Variants in CFAP95 observed in about 807,000 individuals in gnomAD.
CFAP95 encodes the protein cilia- and flagella-associated protein 95.
the CFAP95 span, among the ~76,000 whole-genome samples, chr9:69,841,352 CG>C: frequency 1.3e-5 from 2 of 151,478 alleles, no homozygotes; most frequent in East Asian, 1.9e-4. Context: ...GGATGTACTC[CG>C]GTTTTATTGC....
the CFAP95 span, among the ~76,000 whole-genome samples, chr9:69,837,214 A>C: frequency 6.6e-6 from 1 of 152,230 alleles, no homozygotes; most frequent in Non-Finnish European, 1.5e-5. Context: ...TCTTTACAGC[A>C]GCATGATTTA....
the CFAP95 span, among the ~76,000 whole-genome samples, chr9:69,828,784 G>A: frequency 2.0e-5 from 3 of 152,172 alleles, no homozygotes; most frequent in African/African-American, 7.2e-5. Flanking sequence ...ATTACTGGAT[G>A]GTGCATTTAT....
chr9:69,901,701 C>T, the CFAP95 span, among the ~76,000 whole-genome samples: 5 of 152,114 alleles, frequency 3.3e-5, no homozygotes, highest in Non-Finnish European at 7.3e-5. Context: ...TGGGTATATG[C>T]CCAGTAATGA....
chr9:69,882,893 A>G, the CFAP95 span, among the ~76,000 whole-genome samples: 2 of 152,136 alleles, frequency 1.3e-5, no homozygotes, highest in African/African-American at 4.8e-5. Context: ...CATTAGAGAT[A>G]CTGGCCTGTA....
the CFAP95 span, among the ~76,000 whole-genome samples, chr9:69,877,763 C>T: frequency 6.6e-6 from 1 of 152,244 alleles, no homozygotes; most frequent in East Asian, 1.9e-4. Flanking sequence ...TCCAATTATG[C>T]TATTTGCTAA....
At chr9:69,855,235 T>C in the CFAP95 span, among the ~76,000 whole-genome samples, 3 of 152,240 alleles carry the variant, frequency 2.0e-5, no homozygotes, top group South Asian at 6.2e-4. Context: ...TTTACTCCTC[T>C]ATTTTATGTT....
chr9:69,886,664 C>A, the CFAP95 span, among the ~76,000 whole-genome samples: 1 of 152,112 alleles, frequency 6.6e-6, no homozygotes, highest in African/African-American at 2.4e-5. Flanking sequence ...GGGTACCCTG[C>A]TGCTGGTGGG....
chr9:69,838,339 C>T, the CFAP95 span, among the ~76,000 whole-genome samples: 27,641 of 151,318 alleles, frequency 0.18, 2,668 homozygotes, highest in East Asian at 0.31. Context: ...GCCATTTTCA[C>T]GATATTGATT....
the CFAP95 span, among the ~76,000 whole-genome samples, chr9:69,825,912 A>G: frequency 6.6e-6 from 1 of 152,192 alleles, no homozygotes; most frequent in African/African-American, 2.4e-5. Context: ...TTTAGTTTTA[A>G]GGACTCAGGT....
chr9:69,883,437 T>C, the CFAP95 span, among the ~76,000 whole-genome samples: 39 of 152,168 alleles, frequency 2.6e-4, no homozygotes, highest in African/African-American at 9.4e-4. Flanking sequence ...TGGTTGGAGA[T>C]GTCATTTGTG....
At chr9:69,862,535 T>C in the CFAP95 span, among the ~76,000 whole-genome samples, 1 of 152,336 alleles carries the variant, frequency 6.6e-6, no homozygotes, top group Non-Finnish European at 1.5e-5. Context: ...TCTTGCCAAC[T>C]CTACAGCTCT....
the CFAP95 span, among the ~76,000 whole-genome samples, chr9:69,880,858 G>A: frequency 2.1e-4 from 32 of 152,060 alleles, no homozygotes; most frequent in Middle Eastern, 3.2e-3. Flanking sequence ...CATTTTAACC[G>A]GCATGAGATG....
At chr9:69,901,403 C>T in the CFAP95 span, among the ~76,000 whole-genome samples, 1 of 152,134 alleles carries the variant, frequency 6.6e-6, no homozygotes, top group Non-Finnish European at 1.5e-5. Flanking sequence ...TCCCAAAGTG[C>T]TGGGATTACA....
chr9:69,844,379 TTA>T, the CFAP95 span: 1 of 522,342 alleles, frequency 1.9e-6, no homozygotes, highest in South Asian at 3.8e-5. Context: ...GGAAAATACT[TTA>T]TATGTCACAA....
the CFAP95 span, among the ~76,000 whole-genome samples, chr9:69,883,821 T>A: frequency 7.8e-4 from 29 of 37,304 alleles, no homozygotes; most frequent in Admixed American, 1.1e-3. Flanking sequence ...GTTTATTTTT[T>A]TAAAAAAAAA....
the CFAP95 span, among the ~76,000 whole-genome samples, chr9:69,883,092 G>A: frequency 2.6e-5 from 4 of 152,130 alleles, no homozygotes; most frequent in Admixed American, 2.6e-4. Context: ...TCTTTACTGG[G>A]AGATTTTTTA....
chr9:69,840,852 G>T, the CFAP95 span, among the ~76,000 whole-genome samples: 4 of 152,074 alleles, frequency 2.6e-5, no homozygotes, highest in African/African-American at 9.7e-5. Context: ...TGGGCAGCCG[G>T]CAGGCACGAG....
At chr9:69,835,022 T>C in the CFAP95 span, among the ~76,000 whole-genome samples, 2 of 152,216 alleles carry the variant, frequency 1.3e-5, no homozygotes, top group Admixed American at 6.5e-5. Context: ...TGTCTCATAG[T>C]CTTTGATTCT....
the CFAP95 span, among the ~76,000 whole-genome samples, chr9:69,891,430 A>G: frequency 6.6e-6 from 1 of 152,028 alleles, no homozygotes; most frequent in Admixed American, 6.5e-5. Flanking sequence ...CCACTAAAGC[A>G]AACAAAGAAA....
Sources: allele counts gnomAD v4.1 joint callset (sites outside exome capture counted in the v4.1 genomes callset), GRCh38; gene constraint gnomAD v4.1.1; transcripts MANE v1.5; gene names NCBI Gene and HGNC (gene_info 2026-07-23, HGNC 2026-07-21).